The following KCNIP4 variants were observed in gnomAD, a reference collection of about 807,000 sequenced individuals.
The protein encoded by KCNIP4 is potassium voltage-gated channel interacting protein 4.
A neutral mutation model predicts 34.0 loss-of-function variants in KCNIP4; 12 were observed. The ratio of observed to expected loss-of-function variants is 0.35; its 90% CI spans 0.23 to 0.57. KCNIP4 has a LOEUF of 0.57. Ranked by LOEUF, KCNIP4 falls within the 20% of genes least tolerant of loss-of-function variation. KCNIP4 has a pLI of 0.83. For missense variants in KCNIP4, 238 were observed against 311.7 expected (o/e 0.76, Z 1.78); for synonymous variants, 124 against 102.2 (o/e 1.21, Z -1.29).
intron 1 of KCNIP4, among the ~76,000 whole-genome samples, chr4:21,811,746 T>G (rs1428203867): frequency 1.3e-5 from 2 of 152,220 alleles, no homozygotes; most frequent in South Asian, 2.1e-4. Context: ...ATGTGTGGAA[T>G]GACAGGATAA....
At chr4:21,620,883 C>T (rs1294259991) in intron 1 of KCNIP4, among the ~76,000 whole-genome samples, 1 of 152,216 alleles carries the variant, frequency 6.6e-6, no homozygotes, top group East Asian at 1.9e-4. Context: ...CTTCTGACCT[C>T]TATCTCCAGT....
intron 1 of KCNIP4, among the ~76,000 whole-genome samples, chr4:21,939,430 T>C (rs961261522): frequency 6.6e-6 from 1 of 152,132 alleles, no homozygotes; most frequent in Non-Finnish European, 1.5e-5. Context: ...AAGATGAGAT[T>C]TATTCTATAA....
intron 1 of KCNIP4, among the ~76,000 whole-genome samples, chr4:20,968,616 T>C (rs1446806409): frequency 6.6e-6 from 1 of 152,128 alleles, no homozygotes; most frequent in Non-Finnish European, 1.5e-5. Flanking sequence ...GATGAGTTCA[T>C]GTCCTTTGCA....
chr4:21,912,023 C>G (rs918389820), intron 1 of KCNIP4, among the ~76,000 whole-genome samples: 1 of 152,110 alleles, frequency 6.6e-6, no homozygotes, highest in Admixed American at 6.6e-5. Flanking sequence ...TTCTTTATCT[C>G]TTTTACATCA....
At chr4:21,610,263 T>C (rs1456183888) in intron 1 of KCNIP4, among the ~76,000 whole-genome samples, 1 of 152,188 alleles carries the variant, frequency 6.6e-6, no homozygotes, top group African/African-American at 2.4e-5. Context: ...GTCAGTGGGG[T>C]AGGTTACTTC....
chr4:20,997,036 G>A (rs1238485058), intron 1 of KCNIP4, among the ~76,000 whole-genome samples: 6 of 150,580 alleles, frequency 4.0e-5, no homozygotes, highest in Non-Finnish European at 7.4e-5. Context: ...AAGTAGTGCA[G>A]TGGGTTCAAG....
At chr4:21,772,483 A>C (rs1313435969) in intron 1 of KCNIP4, among the ~76,000 whole-genome samples, 1 of 152,156 alleles carries the variant, frequency 6.6e-6, no homozygotes, top group African/African-American at 2.4e-5. Flanking sequence ...TGTTTGGAAT[A>C]GTTTCAGAAG....
chr4:21,744,287 C>G (rs933411108), intron 1 of KCNIP4, among the ~76,000 whole-genome samples: 2 of 152,144 alleles, frequency 1.3e-5, no homozygotes, highest in African/African-American at 4.8e-5. Flanking sequence ...CAAAGTCACC[C>G]TCTTGCCCTT....
chr4:20,861,052 A>C (rs1722146257), intron 2 of KCNIP4, among the ~76,000 whole-genome samples: 7 of 152,112 alleles, frequency 4.6e-5, no homozygotes, highest in Non-Finnish European at 8.8e-5. Context: ...GTGGCATGAT[A>C]ATCAGCTGAG....
intron 5 of KCNIP4, 91 bp from the exon 6 acceptor site, chr4:20,734,826 C>T (rs2149274663): frequency 1.6e-6 from 1 of 629,168 alleles, no homozygotes; most frequent in Admixed American, 3.1e-5. Context: ...CTACAACCCT[C>T]TGGATCTTGA....
intron 1 of KCNIP4, among the ~76,000 whole-genome samples, chr4:21,449,471 A>G (rs1298735553): frequency 6.6e-6 from 1 of 152,112 alleles, no homozygotes; most frequent in African/African-American, 2.4e-5. Context: ...ATGATATTGT[A>G]GTAATTTGTT....
intron 1 of KCNIP4, among the ~76,000 whole-genome samples, chr4:20,961,266 A>T (rs79426666): frequency 0.014 from 2,118 of 152,314 alleles, 47 homozygotes; most frequent in African/African-American, 0.049. Flanking sequence ...AAAGGAAAAA[A>T]AATCTCTGGT....
chr4:21,756,314 G>A (rs1428050791), intron 1 of KCNIP4, among the ~76,000 whole-genome samples: 1 of 152,176 alleles, frequency 6.6e-6, no homozygotes, highest in East Asian at 1.9e-4. Flanking sequence ...CCACCACTTT[G>A]GGAGGCTGAG....
At chr4:20,959,379 C>T (rs564905618) in intron 1 of KCNIP4, among the ~76,000 whole-genome samples, 1 of 152,306 alleles carries the variant, frequency 6.6e-6, no homozygotes, top group East Asian at 1.9e-4. Flanking sequence ...TAAGGCTTGG[C>T]TCCAAAATGC....
chr4:21,193,484 T>G (rs1441488980), intron 1 of KCNIP4, among the ~76,000 whole-genome samples: 1 of 152,010 alleles, frequency 6.6e-6, no homozygotes, highest in African/African-American at 2.4e-5. Flanking sequence ...ATGGAGAAAC[T>G]CACATTTCTC....
At chr4:20,889,105 G>T (rs1725632287) in intron 1 of KCNIP4, among the ~76,000 whole-genome samples, 1 of 152,076 alleles carries the variant, frequency 6.6e-6, no homozygotes, top group South Asian at 2.1e-4. Flanking sequence ...CAAGGATAGA[G>T]AAACATTTTA....
chr4:20,908,423 T>C (rs558821710), intron 1 of KCNIP4, among the ~76,000 whole-genome samples: 2 of 152,290 alleles, frequency 1.3e-5, no homozygotes, highest in South Asian at 4.1e-4. Context: ...GTCTAATAGC[T>C]TAAATACTAA....
rs182586982 is a variant in KCNIP4, at chr4:21,564,660, G to A, written c.61+383911C>T. 2.0e-5 allele frequency among the ~76,000 whole-genome samples: 3 copies of A among 152,138 alleles called. No homozygotes were observed. In the East Asian group the frequency reaches 5.8e-4, roughly 29 times the overall value. ...ACTATGAAGAGATACCTGAGGCTGGGTAATGTATAAAGAAAAGTTAATTTG... is the reference window on the plus strand; with the variant it reads ...ACTATGAAGAGATACCTGAGGCTGGATAATGTATAAAGAAAAGTTAATTTG... On this transcript the variant is annotated intron_variant, in intron 1 of 8. Coordinates refer to ENST00000382152, the MANE Select transcript of KCNIP4 (RefSeq NM_025221.6).
At chr4:21,181,438 T>A (rs1305176001) in intron 1 of KCNIP4, among the ~76,000 whole-genome samples, 1 of 152,122 alleles carries the variant, frequency 6.6e-6, no homozygotes, top group Non-Finnish European at 1.5e-5. Context: ...ATCTCTAAGA[T>A]TCTACTATAG....
Sources: gnomAD v4.1 joint callset for allele counts (sites outside exome capture counted in the v4.1 genomes callset) on GRCh38, gnomAD v4.1.1 for gene constraint, MANE v1.5 for transcripts, NCBI Gene and HGNC (gene_info 2026-07-23, HGNC 2026-07-21) for gene names.